The following L3MBTL3 variants were observed in gnomAD, a reference collection of about 807,000 sequenced individuals.
L3MBTL3 encodes the protein lethal(3)malignant brain tumor-like protein 3.
In L3MBTL3, 27 loss-of-function variants were observed where a neutral mutation model predicts 102.3. That is an observed-to-expected ratio of 0.26 (90% confidence interval 0.19 to 0.36). The LOEUF (loss-of-function observed/expected upper bound fraction) is 0.36, where lower values mean the gene tolerates loss of function less well. L3MBTL3 is among the 10% of genes least tolerant of loss of function. The pLI is 1.00. For synonymous variants in L3MBTL3, 340 were observed against 320.9 expected (o/e 1.06, Z -0.64); for missense variants, 798 against 955.3 (o/e 0.84, Z 2.17).
chr6:130,130,792 T>G (rs977664423), intron 20 of L3MBTL3, among the ~76,000 whole-genome samples: 2 of 152,186 alleles, frequency 1.3e-5, no homozygotes, highest in Non-Finnish European at 2.9e-5. Context: ...CACTAGAATT[T>G]TTCTGTATAA....
At chr6:130,074,254 A>C (rs1223115069) in intron 13 of L3MBTL3, among the ~76,000 whole-genome samples, 1 of 152,224 alleles carries the variant, frequency 6.6e-6, no homozygotes, top group Non-Finnish European at 1.5e-5. Context: ...GTTTAGTTGC[A>C]ATAAAACATT....
chr6:130,099,021 A>T (rs974758346), intron 18 of L3MBTL3, among the ~76,000 whole-genome samples: 11 of 151,968 alleles, frequency 7.2e-5, no homozygotes, highest in African/African-American at 2.7e-4. Context: ...AATAAAAATT[A>T]CAATTAAAAG....
chr6:130,071,785 T>C (rs1782654226), intron 13 of L3MBTL3, among the ~76,000 whole-genome samples: 1 of 152,168 alleles, frequency 6.6e-6, no homozygotes, highest in Non-Finnish European at 1.5e-5. Context: ...TATTAACTTA[T>C]ATAAATATTG....
chr6:130,123,545 A>C (rs1442880373), intron 20 of L3MBTL3, among the ~76,000 whole-genome samples: 2 of 152,154 alleles, frequency 1.3e-5, no homozygotes, highest in African/African-American at 2.4e-5. Flanking sequence ...GTAGCCTCCT[A>C]AAATCAATGT....
intron 22 of L3MBTL3, among the ~76,000 whole-genome samples, chr6:130,136,767 G>C (rs1787728586): frequency 6.6e-6 from 1 of 152,040 alleles, no homozygotes; most frequent in Non-Finnish European, 1.5e-5. Flanking sequence ...GCAGGTGCGT[G>C]CCACCACACC....
chr6:130,105,085 G>A (rs1784908511), intron 19 of L3MBTL3, among the ~76,000 whole-genome samples: 2 of 152,040 alleles, frequency 1.3e-5, no homozygotes, highest in Non-Finnish European at 2.9e-5. Flanking sequence ...TAACCCCAGT[G>A]GTTTATTAAG....
At chr6:130,086,112 C>A in intron 15 of L3MBTL3, 28 bp from the exon 16 acceptor site, 2 of 1,419,490 alleles carry the variant, frequency 1.4e-6, no homozygotes, top group South Asian at 1.2e-5. Flanking sequence ...CTCTTTATCT[C>A]ACTCTGTAAA....
chr6:130,078,672 ACTTCAAG>A, intron 14 of L3MBTL3, 38 bp downstream of exon 14: 6 of 1,365,036 alleles, frequency 4.4e-6, no homozygotes, highest in Non-Finnish European at 6.2e-6. Flanking sequence ...CTATTCGTAG[ACTTCAAG>A]AGTAGGCAGA....
At position 130,082,470 on chromosome 6, in the gene L3MBTL3, T is replaced by A. The variant is rs183571596; in HGVS notation, c.1322-1150T>A. On this transcript the variant is annotated intron_variant, in intron 14 of 22. Transcript: ENST00000361794. ...ATAGATTACTATTTTTATCAGTGAG[T>A]TATAATTGATTGCTAGCATTATATA... Among the ~76,000 whole-genome samples the A allele has an allele frequency of 2.3e-4, 35 of 152,364 alleles. No homozygotes were observed. In the East Asian group the frequency reaches 6.6e-3, roughly 29 times the overall value.
chr6:130,127,876 C>T (rs766680632), intron 20 of L3MBTL3, among the ~76,000 whole-genome samples: 8 of 151,904 alleles, frequency 5.3e-5, no homozygotes, highest in Non-Finnish European at 1.0e-4. Flanking sequence ...CCAAATAATA[C>T]GTTTATTATA....
At chr6:130,096,149 C>T (rs9492452) in intron 18 of L3MBTL3, among the ~76,000 whole-genome samples, 37,990 of 151,920 alleles carry the variant, frequency 0.25, 4,936 homozygotes, top group Non-Finnish European at 0.28. Flanking sequence ...ACGGGGGGTA[C>T]TGGGGAGGTT....
chr6:130,032,430 CAG>C (rs954967717), intron 2 of L3MBTL3, among the ~76,000 whole-genome samples: 31 of 152,012 alleles, frequency 2.0e-4, no homozygotes, highest in African/African-American at 7.3e-4. Context: ...GCCTGGAAAA[CAG>C]AGTGAGATCC....
intron 18 of L3MBTL3, among the ~76,000 whole-genome samples, chr6:130,101,588 A>G (rs1019478211): frequency 6.6e-6 from 1 of 152,192 alleles, no homozygotes; most frequent in Non-Finnish European, 1.5e-5. Flanking sequence ...TGCAGCCTCC[A>G]TGGAACTGAG....
rs1361884804 is a variant in L3MBTL3 at position 130,140,271 on chromosome 6, A to C, written c.*518A>C. ...TATTTTGAATTGCAACATTATGCTA[A>C]GTATAACTTTGCAAGTCATGATATT... On this transcript the variant is annotated 3_prime_UTR_variant, in exon 23 of 23. Transcript: ENST00000361794. 1 of 153,138 alleles carries C rather than the reference A, an allele frequency of 6.5e-6. No individual in the cohort carries two copies. The highest frequency in any genetic ancestry group is 1.5e-5 in the Non-Finnish European group (1 of 68,444). The allele number at this position is 153,138 out of a possible 1,614,324, so 9.5% of individuals were successfully genotyped here.
chr6:130,123,588 T>G (rs1443291118), intron 20 of L3MBTL3, among the ~76,000 whole-genome samples: 2 of 152,184 alleles, frequency 1.3e-5, no homozygotes, highest in Admixed American at 6.5e-5. Context: ...TCTGAAACAT[T>G]TTGAATAAGA....
At chr6:130,051,744 G>A (rs576283544) in intron 6 of L3MBTL3, among the ~76,000 whole-genome samples, 2 of 152,306 alleles carry the variant, frequency 1.3e-5, no homozygotes, top group African/African-American at 4.8e-5. Flanking sequence ...GACATTTATA[G>A]AAACATAGTT....
chr6:130,046,787 C>T (rs1444792438), intron 3 of L3MBTL3, among the ~76,000 whole-genome samples: 2 of 152,182 alleles, frequency 1.3e-5, no homozygotes, highest in South Asian at 2.1e-4. Context: ...GTGAAATTTC[C>T]ATCATTCCAA....
intron 2 of L3MBTL3, among the ~76,000 whole-genome samples, chr6:130,031,088 G>C (rs1004501450): frequency 6.6e-6 from 1 of 152,076 alleles, no homozygotes; most frequent in African/African-American, 2.4e-5. Context: ...GGTAAAAGAA[G>C]GTCATCACAA....
chr6:130,055,103 GCT>G (rs1781378988), intron 7 of L3MBTL3, 66 bp from the exon 8 acceptor site: 2 of 1,118,584 alleles, frequency 1.8e-6, no homozygotes, highest in South Asian at 1.3e-5. Flanking sequence ...CTTTCTGATA[GCT>G]CTCTAACTAT....
Sources: allele counts gnomAD v4.1 joint callset (sites outside exome capture counted in the v4.1 genomes callset), GRCh38; gene constraint gnomAD v4.1.1; transcripts MANE v1.5; gene names NCBI Gene and HGNC (gene_info 2026-07-23, HGNC 2026-07-21).